Variants in BMP2K observed in about 807,000 individuals in gnomAD.
BMP2K encodes the protein BMP-2-inducible protein kinase.
In BMP2K, 74 loss-of-function variants were observed where a neutral mutation model predicts 116.0. The ratio of observed to expected loss-of-function variants is 0.64; its 90% CI spans 0.53 to 0.77. The LOEUF is 0.77. Ranked by LOEUF, BMP2K falls within the 30% of genes least tolerant of loss-of-function variation. BMP2K has a pLI of 0.00. For synonymous variants in BMP2K, 486 were observed against 502.5 expected (o/e 0.97, Z 0.44); for missense variants, 1,365 against 1,403.6 (o/e 0.97, Z 0.44).
chr4:78,821,284 A>G (rs4550959), intron 1 of BMP2K, among the ~76,000 whole-genome samples: 29,231 of 152,142 alleles, frequency 0.19, 6,072 homozygotes, highest in African/African-American at 0.52. Flanking sequence ...TCTTGACTTG[A>G]GGCTTCACTT....
At chr4:78,802,288 G>T (rs925931503) in intron 1 of BMP2K, among the ~76,000 whole-genome samples, 1 of 152,162 alleles carries the variant, frequency 6.6e-6, no homozygotes, top group African/African-American at 2.4e-5. Flanking sequence ...CTGTCATCCA[G>T]TTTATGGATT....
At chr4:78,803,943 T>C (rs1289046656) in intron 1 of BMP2K, among the ~76,000 whole-genome samples, 2 of 152,208 alleles carry the variant, frequency 1.3e-5, no homozygotes, top group African/African-American at 4.8e-5. Context: ...GAATCTCTTA[T>C]ACTCTGATTT....
intron 2 of BMP2K, 100 bp downstream of exon 2, chr4:78,826,255 G>A (rs561147735): frequency 4.9e-5 from 42 of 863,244 alleles, no homozygotes; most frequent in Non-Finnish European, 6.3e-5. Flanking sequence ...AGGCTGGAGC[G>A]CAGTGGCGTG....
chr4:78,806,306 G>T (rs1560507983), intron 1 of BMP2K, among the ~76,000 whole-genome samples: 4 of 152,000 alleles, frequency 2.6e-5, no homozygotes. Context: ...CTTCTAAATA[G>T]CTGGGACTAC....
At chr4:78,801,904 AC>A (rs1728586497) in intron 1 of BMP2K, among the ~76,000 whole-genome samples, 1 of 152,228 alleles carries the variant, frequency 6.6e-6, no homozygotes, top group Non-Finnish European at 1.5e-5. Flanking sequence ...GGCTTATTTT[AC>A]AAGCCAGTGT....
At chr4:78,886,566 A>G (rs1265516208) in intron 14 of BMP2K, among the ~76,000 whole-genome samples, 2 of 152,204 alleles carry the variant, frequency 1.3e-5, no homozygotes, top group Non-Finnish European at 1.5e-5. Flanking sequence ...GCACATTGGC[A>G]CATAGTAGAT....
In BMP2K at chr4:78,813,895, G is replaced by C. The variant is rs189993426; in HGVS notation, c.179-12142G>C. ...TCTAGAATGTAAGCTCACAAGGGCA[G>C]TTCTCTGATTTGCTTGTAGTTAGTC... On this transcript the variant is annotated intron_variant, in intron 1 of 15. Transcript: ENST00000502613. 2.6e-3 allele frequency among the ~76,000 whole-genome samples: 394 copies of C among 152,302 alleles called. 1 individual carries two copies. Among genetic ancestry groups the C allele is most frequent in the Non-Finnish European group, 4.4e-3 (302 of 68,012 alleles).
chr4:78,905,272 G>T (rs867649795), intron 15 of BMP2K, among the ~76,000 whole-genome samples: 4 of 151,896 alleles, frequency 2.6e-5, no homozygotes, highest in Middle Eastern at 3.4e-3. Flanking sequence ...TAATTAACAT[G>T]CAACTTCCTA....
rs149595344 is a variant in BMP2K, at chr4:78,912,053, G to A, written c.*20G>A. On this transcript the variant is annotated 3_prime_UTR_variant, in exon 16 of 16. Coordinates refer to ENST00000502613, the MANE Select transcript of BMP2K (RefSeq NM_198892.2). ...CAGTAGATACTTCTGATGGATTCTC[G>A]GCATTAACTCCTGTTTCAAAAAAGT... is the stretch of plus-strand genomic sequence containing the variant. The A allele has an allele frequency of 4.4e-5, 68 of 1,559,088 alleles. No individual in the cohort carries two copies. In the East Asian group the frequency reaches 1.2e-3, roughly 28 times the overall value.
At position 78,796,786 on chromosome 4, in the gene BMP2K, G is replaced by GT. The variant is rs546963926; in HGVS notation, c.178+20069dup. ...AGGCTTTGTATTTATGAATGGAGGA[G>GT]TTTTGATATGTAAAAATGGAGAAAG... On this transcript the variant is annotated intron_variant, in intron 1 of 15. Coordinates refer to ENST00000502613, the MANE Select transcript of BMP2K (RefSeq NM_198892.2). Among the ~76,000 whole-genome samples, 35 of 152,272 alleles carry GT rather than the reference G, an allele frequency of 2.3e-4. No homozygotes were observed. The East Asian group carries it at 6.6e-3, about 29-fold the overall frequency.
rs2110113924 is a variant in BMP2K, at chr4:78,912,976, G to A, written c.*943G>A. 1 of 152,252 alleles carries A rather than the reference G, an allele frequency of 6.6e-6. No homozygotes were observed. Among genetic ancestry groups the A allele is most frequent in the East Asian group, 1.9e-4 (1 of 5,194 alleles). The allele number at this position is 152,252 out of a possible 1,614,324, so 9.4% of individuals were successfully genotyped here. Reference sequence around the variant, plus strand: ...GATTATTGGAAAAATTGGAGGACAAGGGTTGTATAAAAATTTTATTTTATG... The same window carrying A: ...GATTATTGGAAAAATTGGAGGACAAAGGTTGTATAAAAATTTTATTTTATG... On this transcript the variant is annotated 3_prime_UTR_variant, in exon 16 of 16. Transcript: ENST00000502613.
At chr4:78,904,305 A>C (rs1361404042) in intron 15 of BMP2K, among the ~76,000 whole-genome samples, 2 of 151,916 alleles carry the variant, frequency 1.3e-5, no homozygotes, top group African/African-American at 4.8e-5. Flanking sequence ...TGGGGGCCTA[A>C]TATAGGGAGA....
chr4:78,906,421 G>A (rs555276705), intron 15 of BMP2K, among the ~76,000 whole-genome samples: 1 of 152,082 alleles, frequency 6.6e-6, no homozygotes, highest in Non-Finnish European at 1.5e-5. Context: ...CCAGTTGCCC[G>A]TACTATTTGC....
At chr4:78,856,502 C>G (rs1040731036) in intron 7 of BMP2K, among the ~76,000 whole-genome samples, 17 of 152,000 alleles carry the variant, frequency 1.1e-4, no homozygotes, top group Admixed American at 1.1e-3. Flanking sequence ...CTTAAAGATG[C>G]CTTATTGATT....
At chr4:78,863,273 A>C (rs1424453339) in intron 9 of BMP2K, among the ~76,000 whole-genome samples, 3 of 152,106 alleles carry the variant, frequency 2.0e-5, no homozygotes. Flanking sequence ...AATGTATACA[A>C]AGCTTAATAT....
chr4:78,805,321 A>G (rs188474994), intron 1 of BMP2K, among the ~76,000 whole-genome samples: 1 of 152,300 alleles, frequency 6.6e-6, no homozygotes, highest in Non-Finnish European at 1.5e-5. Flanking sequence ...GTAGCTTTGC[A>G]GTACATTTTG....
chr4:78,798,680 C>T (rs1728417589), intron 1 of BMP2K, among the ~76,000 whole-genome samples: 1 of 152,168 alleles, frequency 6.6e-6, no homozygotes, highest in Non-Finnish European at 1.5e-5. Flanking sequence ...GTACACATAA[C>T]TACTGTCCTT....
At chr4:78,813,888 A>G (rs754194322) in intron 1 of BMP2K, among the ~76,000 whole-genome samples, 34 of 152,198 alleles carry the variant, frequency 2.2e-4, no homozygotes, top group Non-Finnish European at 2.5e-4. Flanking sequence ...GTAAGCTCAC[A>G]AGGGCAGTTC....
At chr4:78,833,793 T>TA in intron 3 of BMP2K, 106 bp downstream of exon 3, 1 of 715,504 alleles carries the variant, frequency 1.4e-6, no homozygotes, top group South Asian at 1.7e-5. Flanking sequence ...TCTAGTCACT[T>TA]ATTGTAATCT....
Sources: gnomAD v4.1 joint callset for allele counts (sites outside exome capture counted in the v4.1 genomes callset) on GRCh38, gnomAD v4.1.1 for gene constraint, MANE v1.5 for transcripts, NCBI Gene and HGNC (gene_info 2026-07-23, HGNC 2026-07-21) for gene names.